Variants in ME1 observed in about 807,000 individuals in gnomAD.
ME1 encodes the protein NADP-dependent malic enzyme.
Under a neutral mutation model 66.4 loss-of-function variants are expected in ME1, and 74 were observed. That is an observed-to-expected ratio of 1.11 (90% CI 0.92 to 1.35). The LOEUF is 1.35. Ranked by LOEUF, ME1 falls within the 40% of genes most tolerant of loss-of-function variation. ME1 has a pLI of 0.00. For missense variants in ME1, 750 were observed against 694.1 expected, an observed-to-expected ratio of 1.08 and a Z score of -0.90; for synonymous variants, 251 against 235.6, an observed-to-expected ratio of 1.07 and a Z score of -0.60.
At chr6:83,319,848 C>T (rs1031864341) in intron 5 of ME1, among the ~76,000 whole-genome samples, 1 of 152,200 alleles carries the variant, frequency 6.6e-6, no homozygotes, top group Non-Finnish European at 1.5e-5. Flanking sequence ...ATGATTCCTA[C>T]TCCTCCAGCT....
intron 6 of ME1, among the ~76,000 whole-genome samples, chr6:83,309,661 G>A (rs562297239): frequency 2.0e-5 from 3 of 152,124 alleles, no homozygotes; most frequent in Non-Finnish European, 4.4e-5. Context: ...GTACAGGTTA[G>A]AGATAAAGAT....
chr6:83,280,433 T>C (rs889244550), intron 6 of ME1, among the ~76,000 whole-genome samples: 4 of 152,176 alleles, frequency 2.6e-5, no homozygotes, highest in Non-Finnish European at 5.9e-5. Flanking sequence ...TTGTTATAAA[T>C]GTATACTATA....
In ME1 at chr6:83,398,481, T is replaced by A. The variant is rs151111787; in HGVS notation, c.248A>T (p.Glu83Val). Residue 83 changes from glutamate (E) to valine (V), a missense_variant, in exon 3 of 14, where the codon GAA becomes GTA. By Grantham distance (121) the Glu-to-Val change is moderately radical. Coordinates refer to ENST00000369705, the MANE Select transcript of ME1 (RefSeq NM_002395.6). ...LLLMDLQDRN[E>V]KLFYRVLTSD... The stretch of plus-strand genomic sequence containing the variant: ...TGTCAGCACTCTATAAAAGAGTTTT[T>A]CATTTCTATCTTGGAGATCCATTAA... 29,026 of 1,575,790 alleles carry A rather than the reference T, an allele frequency of 0.018. 339 individuals are homozygous for A. Among genetic ancestry groups the A allele is most frequent in the Non-Finnish European group, 0.021 (23,722 of 1,155,734 alleles).
intron 3 of ME1, among the ~76,000 whole-genome samples, chr6:83,362,382 G>A (rs1769021986): frequency 6.6e-6 from 1 of 152,236 alleles, no homozygotes; most frequent in Non-Finnish European, 1.5e-5. Flanking sequence ...CTCAGCAGAA[G>A]AGGATTTTAA....
chr6:83,391,247 C>G (rs975223935), intron 3 of ME1, among the ~76,000 whole-genome samples: 2 of 152,068 alleles, frequency 1.3e-5, no homozygotes, highest in African/African-American at 4.8e-5. Flanking sequence ...AAGTTAAATA[C>G]CTTATACCAG....
chr6:83,273,317 A>G (rs558441865), intron 6 of ME1, among the ~76,000 whole-genome samples: 1 of 152,298 alleles, frequency 6.6e-6, no homozygotes, highest in South Asian at 2.1e-4. Flanking sequence ...GTAAAACAAT[A>G]AAGATAAACA....
rs1769981450 is a variant in ME1, at chr6:83,408,017, T to C, written c.79-116A>G. ...ATTAAAAATCCGAAGTCTGCGTCAC[T>C]GGAAGCATGGCCATGTGGCTGTGAG... On this transcript the variant is annotated intron_variant, in intron 1 of 13. Coordinates refer to ENST00000369705, the MANE Select transcript of ME1 (RefSeq NM_002395.6). 5.8e-6 allele frequency: 7 copies of C among 1,200,208 alleles called. No homozygotes were observed. In the East Asian group the frequency reaches 1.8e-4, roughly 31 times the overall value. 74.3% of individuals were successfully genotyped at this position (1,200,208 alleles called of 1,614,324 possible). A position where few individuals can be genotyped will look rare whatever the true frequency, so the allele number is the denominator to read the frequency against.
chr6:83,363,950 G>A (rs1769052098), intron 3 of ME1, among the ~76,000 whole-genome samples: 1 of 152,184 alleles, frequency 6.6e-6, no homozygotes, highest in South Asian at 2.1e-4. Flanking sequence ...TTTATTTGAA[G>A]ATTATGTATG....
intron 2 of ME1, among the ~76,000 whole-genome samples, chr6:83,398,890 T>G (rs1453928239): frequency 6.6e-6 from 1 of 151,710 alleles, no homozygotes; most frequent in Non-Finnish European, 1.5e-5. Context: ...GATCACGAGG[T>G]CAGGAGTTCA....
chr6:83,309,716 A>G (rs559715766), intron 6 of ME1, among the ~76,000 whole-genome samples: 8 of 152,260 alleles, frequency 5.3e-5, no homozygotes, highest in African/African-American at 1.9e-4. Flanking sequence ...TGAGATTACC[A>G]AGGAAGTGGA....
chr6:83,422,367 G>A (rs1194892489), intron 1 of ME1, among the ~76,000 whole-genome samples: 1 of 152,114 alleles, frequency 6.6e-6, no homozygotes, highest in Non-Finnish European at 1.5e-5. Context: ...GACCACTAAA[G>A]CAAAGAAGAA....
At chr6:83,387,417 T>A (rs1226634687) in intron 3 of ME1, among the ~76,000 whole-genome samples, 1 of 152,118 alleles carries the variant, frequency 6.6e-6, no homozygotes, top group Non-Finnish European at 1.5e-5. Context: ...TTTCACAAAT[T>A]AAACATCAAT....
chr6:83,360,787 A>T (rs151050805), intron 3 of ME1, among the ~76,000 whole-genome samples: 2 of 152,232 alleles, frequency 1.3e-5, no homozygotes, highest in African/African-American at 4.8e-5. Flanking sequence ...AGAGAATGAC[A>T]GTAGATTATT....
chr6:83,374,758 G>C (rs918874470), intron 3 of ME1, among the ~76,000 whole-genome samples: 1 of 152,138 alleles, frequency 6.6e-6, no homozygotes, highest in Admixed American at 6.5e-5. Context: ...CAGCCATCTT[G>C]AGATAATTTT....
intron 3 of ME1, among the ~76,000 whole-genome samples, chr6:83,397,586 A>C (rs982981305): frequency 2.6e-5 from 4 of 152,218 alleles, no homozygotes; most frequent in African/African-American, 7.2e-5. Context: ...AAAATTAAGA[A>C]TAGAACTACC....
intron 9 of ME1, among the ~76,000 whole-genome samples, chr6:83,230,777 C>T (rs988428735): frequency 6.6e-6 from 1 of 151,600 alleles, no homozygotes; most frequent in Non-Finnish European, 1.5e-5. Context: ...TAAAAATATA[C>T]AAAAAATTAG....
chr6:83,407,896 C>T lies in ME1; in HGVS notation c.84G>A (p.Leu28=), dbSNP rs1769977129. The change falls in exon 2 of 14, where the codon TTG becomes TTA. Residue 28 remains leucine (L), a synonymous_variant. Coordinates refer to ENST00000369705, the MANE Select transcript of ME1 (RefSeq NM_002395.6). ...LTRNPHLNKD[L]AFTLEERQQL... ...GCTGTCTCTCTTCCAGGGTAAAGGC[C>T]AAGTCCTATAGAGAAAAAACACACA... 2 of 1,606,564 alleles carry T rather than the reference C, an allele frequency of 1.2e-6. No individual in the cohort carries two copies. The highest frequency in any genetic ancestry group is 2.7e-5 in the African/African-American group (2 of 74,478).
intron 3 of ME1, among the ~76,000 whole-genome samples, chr6:83,373,361 C>T (rs1769229155): frequency 6.6e-6 from 1 of 152,024 alleles, no homozygotes; most frequent in Admixed American, 6.6e-5. Flanking sequence ...TCAGCCTCCC[C>T]AGTAGCTGGG....
intron 3 of ME1, chr6:83,392,309 T>A: frequency 1.9e-6 from 1 of 516,704 alleles, no homozygotes; most frequent in Non-Finnish European, 3.8e-6. Context: ...CAACACTGTC[T>A]ACATGTTCCA....
Sources: allele counts gnomAD v4.1 joint callset (sites outside exome capture counted in the v4.1 genomes callset), GRCh38; gene constraint gnomAD v4.1.1; transcripts MANE v1.5; gene names NCBI Gene and HGNC (gene_info 2026-07-23, HGNC 2026-07-21).